SERAC1: variants seen among roughly 807,000 people sequenced by gnomAD.
SERAC1 encodes the protein serine active site containing 1, also known as protein SERAC1.
A neutral mutation model predicts 85.7 loss-of-function variants in SERAC1; 36 were observed. That is an observed-to-expected ratio of 0.42 (90% CI 0.32 to 0.55). The LOEUF is 0.55. SERAC1 is among the 20% of genes least tolerant of loss of function. The pLI, the probability that SERAC1 is intolerant of heterozygous loss-of-function variation, is 0.11. For synonymous variants in SERAC1, 242 were observed against 265.3 expected (o/e 0.91, Z 0.85); for missense variants, 629 against 796.2 (o/e 0.79, Z 2.53).
chr6:158,113,897 A>G (rs1274614905), intron 15 of SERAC1, among the ~76,000 whole-genome samples: 5 of 152,094 alleles, frequency 3.3e-5, no homozygotes. Context: ...TGGCACCACA[A>G]CACCCACCCC....
intron 15 of SERAC1, 45 bp from the exon 16 acceptor site, chr6:158,113,637 A>G (rs1784201196): frequency 6.6e-7 from 1 of 1,511,040 alleles, no homozygotes; most frequent in Non-Finnish European, 9.0e-7. Context: ...TGTTTACCCA[A>G]TTCATAATAA....
chr6:158,117,715 C>T lies in SERAC1; in HGVS notation c.1403+12G>A, dbSNP rs117813106. The T allele has an allele frequency of 0.033, 53,734 of 1,613,314 alleles. 1,007 individuals carry two copies. Among genetic ancestry groups the T allele is most frequent in the Middle Eastern group, 0.054 (324 of 6,056 alleles). On this transcript the variant is annotated intron_variant, in intron 13 of 16. Coordinates refer to ENST00000647468, the MANE Select transcript of SERAC1 (RefSeq NM_032861.4). This position sits in a 1 kb window ranked among gnomAD's most constrained non-coding sequence, Gnocchi z 4.3. ...CTTCCCTGTCCTCCTGGTCTAAAGT[C>T]GCCTCTGTTACCTTTCCATAGGGCA...
At chr6:158,128,780 A>T (rs569919736) in intron 9 of SERAC1, among the ~76,000 whole-genome samples, 1 of 152,336 alleles carries the variant, frequency 6.6e-6, no homozygotes, top group South Asian at 2.1e-4. Flanking sequence ...GCTGGCCTCA[A>T]ACTTAGAAGT....
At chr6:158,166,308 C>T (rs980548015) in intron 1 of SERAC1, 1 of 152,160 alleles carries the variant, frequency 6.6e-6, no homozygotes, top group African/African-American at 2.4e-5. Context: ...ACTAAACTCC[C>T]GTATGTAAAT....
chr6:158,131,345 T>G (rs1422964972), intron 8 of SERAC1, among the ~76,000 whole-genome samples: 1 of 147,372 alleles, frequency 6.8e-6, no homozygotes, highest in East Asian at 1.9e-4. Flanking sequence ...TTACATTTAT[T>G]ATATACTAAT....
intron 3 of SERAC1, 95 bp from the exon 4 acceptor site, chr6:158,150,684 T>C (rs1423979523): frequency 2.3e-6 from 2 of 874,728 alleles, no homozygotes; most frequent in Admixed American, 4.4e-5. Flanking sequence ...GTAAACTTCT[T>C]TTTTGTTGGG....
In SERAC1 at chr6:158,114,563, ATAATAT is replaced by A. The variant is rs1442857667; in HGVS notation, c.1684+220_1684+225del. On this transcript the variant is annotated intron_variant, in intron 15 of 16. Coordinates refer to ENST00000647468, the MANE Select transcript of SERAC1 (RefSeq NM_032861.4). Reference sequence around the variant, plus strand: ...ATTTTTCTAATTTTAAGTATTTAAGATAATATTAAAATTATTACAATGCTTGAGTAA... The same window carrying A: ...ATTTTTCTAATTTTAAGTATTTAAGATAAAATTATTACAATGCTTGAGTAA... The A allele has an allele frequency of 8.3e-5, 102 of 1,224,062 alleles. No homozygotes were observed. In the African/African-American group the frequency reaches 1.1e-3, roughly 14 times the overall value. 75.8% of individuals were successfully genotyped at this position (1,224,062 alleles called of 1,614,324 possible). A position where few individuals can be genotyped will look rare whatever the true frequency, so the allele number is the denominator to read the frequency against.
At chr6:158,121,328 G>A (rs954938674) in intron 10 of SERAC1, among the ~76,000 whole-genome samples, 6 of 151,832 alleles carry the variant, frequency 4.0e-5, no homozygotes, top group Non-Finnish European at 5.9e-5. Flanking sequence ...TCTGAAGTAC[G>A]GTGAAAAATC....
rs1185186799 is a variant in SERAC1, at chr6:158,109,822, GAAAT to G, written c.*1540_*1543del. 1 of 152,140 alleles carries G rather than the reference GAAAT, an allele frequency of 6.6e-6. No individual in the cohort carries two copies. The highest frequency in any genetic ancestry group is 2.4e-5 in the African/African-American group (1 of 41,434). 9.4% of individuals were successfully genotyped at this position (152,140 alleles called of 1,614,324 possible). A position where few individuals can be genotyped will look rare whatever the true frequency, so the allele number is the denominator to read the frequency against. On this transcript the variant is annotated 3_prime_UTR_variant, in exon 17 of 17. Coordinates refer to ENST00000647468, the MANE Select transcript of SERAC1 (RefSeq NM_032861.4). ...AATGGAGTAATTTCGGCCATAAAAA[GAAAT>G]GAAGTAGTACTGATACATGCTATAT... is the stretch of plus-strand genomic sequence containing the variant.
In SERAC1 at chr6:158,156,946, A is replaced by ATGTATT. The variant is rs1562460014; in HGVS notation, c.91+1326_91+1327insAATACA. ...TATTAATATATTTATATAGATATTA[A>ATGTATT]TATATTTATATAAATATTAATATAT... On this transcript the variant is annotated intron_variant, in intron 2 of 16. Coordinates refer to ENST00000647468, the MANE Select transcript of SERAC1 (RefSeq NM_032861.4). Among the ~76,000 whole-genome samples, 16 of 137,132 alleles carry ATGTATT rather than the reference A, an allele frequency of 1.2e-4. 1 individual carries two copies. The highest frequency in any genetic ancestry group is 6.1e-4 in the East Asian group (3 of 4,924). The allele number at this position is 137,132 out of a possible 152,430, so 90.0% of individuals were successfully genotyped here.
In SERAC1 at chr6:158,114,983, C is replaced by A. The variant is rs1161536664; in HGVS notation, c.1502-12G>T. 2 of 1,593,308 alleles carry A rather than the reference C, an allele frequency of 1.3e-6. No individual in the cohort carries two copies. The highest frequency in any genetic ancestry group is 1.4e-5 in the African/African-American group (1 of 73,582). ...TTTGACAAGAAGACCTAGCCACAGA[C>A]AAGGGAAAAAAACAATGCATAAGCT... On this transcript the variant is annotated splice_polypyrimidine_tract_variant and intron_variant, in intron 14 of 16. Coordinates refer to ENST00000647468, the MANE Select transcript of SERAC1 (RefSeq NM_032861.4).
chr6:158,158,098 G>C (rs1236397902), intron 2 of SERAC1, among the ~76,000 whole-genome samples, 175 bp downstream of exon 2: 1 of 152,172 alleles, frequency 6.6e-6, no homozygotes, highest in Non-Finnish European at 1.5e-5. Flanking sequence ...TCAAGAAAAA[G>C]GAGTATGTAT....
intron 1 of SERAC1, chr6:158,160,782 A>T (rs2128425598): frequency 6.6e-6 from 1 of 152,282 alleles, no homozygotes; most frequent in Non-Finnish European, 1.5e-5. Flanking sequence ...TATCCTCCCA[A>T]ATGAGAATAT....
intron 10 of SERAC1, 101 bp downstream of exon 10, chr6:158,128,007 T>TAAAAAAAAAAAAAAAAAAA (rs929022314): frequency 5.3e-4 from 1 of 1,872 alleles, no homozygotes; most frequent in Non-Finnish European, 7.1e-4. Context: ...AAAATAAATT[T>TAAAAAAAAAAAAAAAAAAA]AAAAAAAAAA....
chr6:158,128,179 T>A lies in SERAC1; in HGVS notation c.944A>T (p.Gln315Leu), dbSNP rs762121170. ...YRLHKDCPKV[Q>L]RNIMRVIGNM... is the part of the protein sequence containing the mutation. ...TCCAATGACACGCATTATATTTCTCTGTACTTTAGGGCAGTCCTTGTGAAG... is the reference window on the plus strand; with the variant it reads ...TCCAATGACACGCATTATATTTCTCAGTACTTTAGGGCAGTCCTTGTGAAG... The change falls in exon 10 of 17, where the codon CAG becomes CTG. Residue 315 changes from glutamine (Q) to leucine (L), a missense_variant. Gln to Leu is a moderately radical substitution (Grantham distance 113, BLOSUM62 -2). Coordinates refer to ENST00000647468, the MANE Select transcript of SERAC1 (RefSeq NM_032861.4). 6.2e-7 allele frequency: 1 copy of A among 1,614,166 alleles called. No homozygotes were observed. The highest frequency in any genetic ancestry group is 8.5e-7 in the Non-Finnish European group (1 of 1,179,986).
chr6:158,116,411 C>T (rs1583559708), intron 13 of SERAC1, 129 bp from the exon 14 acceptor site: 2 of 668,072 alleles, frequency 3.0e-6, no homozygotes, highest in East Asian at 5.5e-5. Flanking sequence ...GTAAGAAATA[C>T]CCCCATTCTC....
rs371108873 is a variant in SERAC1, at chr6:158,136,062, G to C, written c.739-5576C>G. On this transcript the variant is annotated intron_variant, in intron 8 of 16. Coordinates refer to ENST00000647468, the MANE Select transcript of SERAC1 (RefSeq NM_032861.4). ...CCTGACCTCATGATCCGCCTGCCTCGGTGTCCCAAAGTGCTGGAATTACAG... is the reference window on the plus strand; with the variant it reads ...CCTGACCTCATGATCCGCCTGCCTCCGTGTCCCAAAGTGCTGGAATTACAG... Among the ~76,000 whole-genome samples, 37 of 152,232 alleles carry C rather than the reference G, an allele frequency of 2.4e-4. 1 individual carries two copies. In the East Asian group the frequency reaches 6.0e-3, roughly 25 times the overall value.
chr6:158,144,377 A>G lies in SERAC1; in HGVS notation c.531T>C (p.Thr177=). Residue 177 remains threonine (T), a synonymous_variant, in exon 7 of 17, where the codon ACT becomes ACC. Coordinates refer to ENST00000647468, the MANE Select transcript of SERAC1 (RefSeq NM_032861.4). ...CTTCGCTTCGTGCCAAACCAATAAGAGTTTTCGGATCACAGGCTTGAGCAA... is the reference window on the plus strand; with the variant it reads ...CTTCGCTTCGTGCCAAACCAATAAGGGTTTTCGGATCACAGGCTTGAGCAA... ...RIIAQACDPK[T]LIGLARSEES... is the part of the protein sequence containing the mutation. 6.2e-7 allele frequency: 1 copy of G among 1,613,444 alleles called. No homozygotes were observed.
In SERAC1 at chr6:158,121,292, G is replaced by A. The variant is rs553723665; in HGVS notation, c.1016-717C>T. ...GAAGAGGGCTCTGTAAAAAACGTAT[G>A]TTTAGCTTTTTCGCTATATCTATTT... is the stretch of plus-strand genomic sequence containing the variant. On this transcript the variant is annotated intron_variant, in intron 10 of 16. Coordinates refer to ENST00000647468, the MANE Select transcript of SERAC1 (RefSeq NM_032861.4). Among the ~76,000 whole-genome samples the A allele has an allele frequency of 2.0e-4, 30 of 152,158 alleles. No individual in the cohort carries two copies. The East Asian group carries it at 5.2e-3, about 26-fold the overall frequency.
Sources: gnomAD v4.1 joint callset for allele counts (sites outside exome capture counted in the v4.1 genomes callset) on GRCh38, gnomAD v4.1.1 for gene constraint, Gnocchi (gnomAD v3.1) non-coding constraint, MANE v1.5 for transcripts, NCBI Gene and HGNC (gene_info 2026-07-23, HGNC 2026-07-21) for gene names.